Variants in MLYCD observed in about 807,000 individuals in gnomAD.
MLYCD encodes the protein malonyl-CoA decarboxylase, mitochondrial.
MLYCD carries 27 observed loss-of-function variants against 35.8 expected under a neutral mutation model. That is an observed-to-expected ratio of 0.75 (90% CI 0.56 to 1.04). MLYCD has a LOEUF of 1.04. Ranked by LOEUF, MLYCD falls within the 50% of genes least tolerant of loss-of-function variation. The pLI, the probability that MLYCD is intolerant of heterozygous loss-of-function variation, is 0.00. For missense variants in MLYCD, 917 were observed against 665.1 expected (o/e 1.38, Z -4.17); for synonymous variants, 403 against 302.4 (o/e 1.33, Z -3.45).
At chr16:83,904,958 G>A (rs1974881) in intron 1 of MLYCD, among the ~76,000 whole-genome samples, 13,589 of 152,096 alleles carry the variant, frequency 0.089, 806 homozygotes, top group East Asian at 0.23. Flanking sequence ...GGCCTCTTTC[G>A]TGCCCTAGTG....
chr16:83,905,248 G>A (rs1906934169), intron 1 of MLYCD, among the ~76,000 whole-genome samples: 1 of 151,930 alleles, frequency 6.6e-6, no homozygotes, highest in African/African-American at 2.4e-5. Context: ...AATTCTAGCT[G>A]TTGTAAAGCC....
chr16:83,905,880 C>T (rs1158626445), intron 1 of MLYCD, among the ~76,000 whole-genome samples: 5 of 152,150 alleles, frequency 3.3e-5, no homozygotes, highest in Non-Finnish European at 5.9e-5. Context: ...AGCACCGAGG[C>T]GACGCTGCTC....
chr16:83,899,392 A>G lies in MLYCD; in HGVS notation c.248A>G (p.Gln83Arg). Residue 83 changes from glutamine to arginine, a missense_variant, in exon 1 of 5, where the codon CAG becomes CGG. Gln to Arg is a conservative substitution (Grantham distance 43, BLOSUM62 1). Coordinates refer to ENST00000262430, the MANE Select transcript of MLYCD (RefSeq NM_012213.3). The part of the protein sequence containing the change: ...SFYGGLAETA[Q>R]RAELLGRLAR... ...TACGGTGGGCTGGCCGAGACGGCCC[A>G]GCGGGCCGAACTGCTGGGCCGCCTG... 3 of 1,528,234 alleles carry G rather than the reference A, an allele frequency of 2.0e-6. No homozygotes were observed. The highest frequency in any genetic ancestry group is 1.4e-5 in the African/African-American group (1 of 70,114). 94.7% of individuals were successfully genotyped at this position (1,528,234 alleles called of 1,614,324 possible).
At position 83,922,550 on chromosome 16, in the gene MLYCD, C is replaced by G. The variant is rs1156745941; in HGVS notation, c.*7061C>G. ...AGTTCAAATGCTGGCCCCACCACTTCCAGCTGGGTGGCCCAGGGCAAGCCA... is the reference window on the plus strand; with the variant it reads ...AGTTCAAATGCTGGCCCCACCACTTGCAGCTGGGTGGCCCAGGGCAAGCCA... On this transcript the variant is annotated 3_prime_UTR_variant, in exon 5 of 5. Coordinates refer to ENST00000262430, the MANE Select transcript of MLYCD (RefSeq NM_012213.3). The G allele has an allele frequency of 6.6e-6, 1 of 152,362 alleles. No individual in the cohort carries two copies. Among genetic ancestry groups the G allele is most frequent in the Non-Finnish European group, 1.5e-5 (1 of 68,128 alleles). 9.4% of individuals were successfully genotyped at this position (152,362 alleles called of 1,614,324 possible).
At position 83,920,901 on chromosome 16, in the gene MLYCD, GAT is replaced by G. The variant is rs1907630390; in HGVS notation, c.*5413_*5414del. The stretch of plus-strand genomic sequence containing the variant: ...TAGATGGATGGATGGAAGGAAGGAA[GAT>G]GGATGGATGGATGGATGGATGGATG... On this transcript the variant is annotated 3_prime_UTR_variant, in exon 5 of 5. Transcript: ENST00000262430. 3.1e-5 allele frequency: 1 copy of G among 32,446 alleles called. No individual in the cohort carries two copies. The highest frequency in any genetic ancestry group is 5.0e-4 in the East Asian group (1 of 2,014). The allele number at this position is 32,446 out of a possible 1,614,324, so 2.0% of individuals were successfully genotyped here.
rs1366274472 is a variant in MLYCD at position 83,919,050 on chromosome 16, A to G, written c.*3561A>G. On this transcript the variant is annotated 3_prime_UTR_variant, in exon 5 of 5. Coordinates refer to ENST00000262430, the MANE Select transcript of MLYCD (RefSeq NM_012213.3). ...AGGAGAACATACACGCAGTACACAG[A>G]CACAGTGCACCGGAGAACACAGTGC... 6.8e-6 allele frequency: 1 copy of G among 146,004 alleles called. No individual in the cohort carries two copies. Among genetic ancestry groups the G allele is most frequent in the Admixed American group, 6.8e-5 (1 of 14,784 alleles). 9.0% of individuals were successfully genotyped at this position (146,004 alleles called of 1,614,324 possible). A position where few individuals can be genotyped will look rare whatever the true frequency, so the allele number is the denominator to read the frequency against.
At chr16:83,909,306 A>C (rs775563552) in intron 3 of MLYCD, among the ~76,000 whole-genome samples, 1 of 152,138 alleles carries the variant, frequency 6.6e-6, no homozygotes, top group East Asian at 1.9e-4. Flanking sequence ...TGACAGTTCA[A>C]AAGGGTGGGG....
intron 1 of MLYCD, 114 bp downstream of exon 1, chr16:83,899,786 T>C: frequency 1.5e-6 from 2 of 1,292,422 alleles, no homozygotes; most frequent in South Asian, 1.6e-5. Flanking sequence ...GATAGCACGC[T>C]CACTTCGCCC....
rs1393278120 is a variant in MLYCD, at chr16:83,922,944, C to T, written c.*7455C>T. On this transcript the variant is annotated 3_prime_UTR_variant, in exon 5 of 5. Transcript: ENST00000262430. The stretch of plus-strand genomic sequence containing the variant: ...CAGGGGCTTGAGGGGACCTCCTGAC[C>T]CCTGATGGCTGAGCACCCTTGTCAT... The T allele has an allele frequency of 6.6e-6, 1 of 152,260 alleles. No individual in the cohort carries two copies. Among genetic ancestry groups the T allele is most frequent in the South Asian group, 2.1e-4 (1 of 4,824 alleles). 9.4% of individuals were successfully genotyped at this position (152,260 alleles called of 1,614,324 possible).
At chr16:83,910,841 TC>T (rs2151058190) in intron 3 of MLYCD, among the ~76,000 whole-genome samples, 1 of 152,252 alleles carries the variant, frequency 6.6e-6, no homozygotes, top group East Asian at 1.9e-4. Flanking sequence ...TCATGAGCTC[TC>T]CCCCTTTCCT....
In MLYCD at chr16:83,916,701, T is replaced by C. The variant is rs969801570; in HGVS notation, c.*1212T>C. On this transcript the variant is annotated 3_prime_UTR_variant, in exon 5 of 5. Transcript: ENST00000262430. ...ACGTCTGTGTGCGTGTGCACGAGCGTCTCTGTGTGTATCAGTGCACGTCTG... is the reference window on the plus strand; with the variant it reads ...ACGTCTGTGTGCGTGTGCACGAGCGCCTCTGTGTGTATCAGTGCACGTCTG... The C allele has an allele frequency of 4.3e-5, 6 of 139,902 alleles. No homozygotes were observed. Among genetic ancestry groups the C allele is most frequent in the African/African-American group, 1.6e-4 (6 of 36,444 alleles). 8.7% of individuals were successfully genotyped at this position (139,902 alleles called of 1,614,324 possible).
intron 3 of MLYCD, among the ~76,000 whole-genome samples, chr16:83,910,935 G>A (rs922761196): frequency 1.8e-4 from 27 of 152,174 alleles, no homozygotes; most frequent in African/African-American, 5.8e-4. Context: ...GTTTTCCTCA[G>A]GGCAGATATG....
Position 83,912,305 on chromosome 16 carries a change from C to G in MLYCD, c.886C>G (p.Gln296Glu). The stretch of plus-strand genomic sequence containing the variant: ...CTTTTATTCCATCAGCTTGACCCAG[C>G]AGGGACTCCAAGGGGTGGAGCTGGG... ...AIFYSISLTQQGLQGVELGTF... is the reference protein window; with the variant it reads ...AIFYSISLTQEGLQGVELGTF... The change falls in exon 4 of 5, where the codon CAG becomes GAG. Residue 296 changes from glutamine to glutamate, a missense_variant. Transcript: ENST00000262430. 6.2e-7 allele frequency: 1 copy of G among 1,614,212 alleles called. No individual in the cohort carries two copies. The highest frequency in any genetic ancestry group is 8.5e-7 in the Non-Finnish European group (1 of 1,180,042).
chr16:83,899,442 G>A lies in MLYCD; in HGVS notation c.298G>A (p.Gly100Ser). Residue 100 changes from glycine to serine, a missense_variant, in exon 1 of 5, where the codon GGC (glycine) becomes AGC (serine). Physicochemically the swap from Gly to Ser is moderately conservative, Grantham distance 56. Transcript: ENST00000262430. ...RLARGFGVDH[G>S]QVAEQSAGVL... ...GGCGCGGGGCTTCGGCGTGGACCAC[G>A]GCCAGGTGGCGGAGCAGAGCGCCGG... is the stretch of plus-strand genomic sequence containing the variant. The A allele has an allele frequency of 1.3e-6, 2 of 1,519,534 alleles. No homozygotes were observed. Among genetic ancestry groups the A allele is most frequent in the South Asian group, 1.2e-5 (1 of 82,530 alleles). 94.1% of individuals were successfully genotyped at this position (1,519,534 alleles called of 1,614,324 possible). A position where few individuals can be genotyped will look rare whatever the true frequency, so the allele number is the denominator to read the frequency against.
At chr16:83,904,672 AG>A (rs1906913407) in intron 1 of MLYCD, among the ~76,000 whole-genome samples, 1 of 152,238 alleles carries the variant, frequency 6.6e-6, no homozygotes. Context: ...CATGGAATGT[AG>A]AGTTAAAAGG....
Position 83,899,243 on chromosome 16 carries a change from C to T in MLYCD, c.99C>T (p.Ala33=), listed in dbSNP as rs1286937386. Reference sequence around the variant, plus strand: ...CCCGGCTGGCGAGCGGGCAGGCGGCCGGCGCCCTGGAGCGGGCCATGGACG... The same window carrying T: ...CCCGGCTGGCGAGCGGGCAGGCGGCTGGCGCCCTGGAGCGGGCCATGGACG... ...PGPRLASGQA[A]GALERAMDEL... Residue 33 remains alanine, a synonymous_variant, in exon 1 of 5, where the codon GCC becomes GCT. Coordinates refer to ENST00000262430, the MANE Select transcript of MLYCD (RefSeq NM_012213.3). 4 of 1,269,012 alleles carry T rather than the reference C, an allele frequency of 3.2e-6. No individual in the cohort carries two copies. The highest frequency in any genetic ancestry group is 3.1e-5 in the African/African-American group (2 of 63,922). The allele number at this position is 1,269,012 out of a possible 1,614,324, so 78.6% of individuals were successfully genotyped here. A position where few individuals can be genotyped will look rare whatever the true frequency, so the allele number is the denominator to read the frequency against.
rs549809291 is a variant in MLYCD, at chr16:83,919,423, C to G, written c.*3934C>G. On this transcript the variant is annotated 3_prime_UTR_variant, in exon 5 of 5. Transcript: ENST00000262430. ...CACACTGCACAGAACAAATGCACAG[C>G]ACACAGGAGAACATGCACACACAGT... 1 of 144,914 alleles carries G rather than the reference C, an allele frequency of 6.9e-6. No individual in the cohort carries two copies. The highest frequency in any genetic ancestry group is 2.2e-4 in the South Asian group (1 of 4,484). 9.0% of individuals were successfully genotyped at this position (144,914 alleles called of 1,614,324 possible). A position where few individuals can be genotyped will look rare whatever the true frequency, so the allele number is the denominator to read the frequency against.
chr16:83,911,665 A>C (rs1269205486), intron 3 of MLYCD: 6 of 156,842 alleles, frequency 3.8e-5, no homozygotes, highest in African/African-American at 1.4e-4. Flanking sequence ...CAGAAATGGC[A>C]CAAAACCCAA....
chr16:83,914,436 G>T (rs556081741), intron 4 of MLYCD: 39 of 199,280 alleles, frequency 2.0e-4, no homozygotes, highest in Non-Finnish European at 3.3e-4. Context: ...GGAAAGACAA[G>T]GCCTGCAGTG....
Sources: gnomAD v4.1 joint callset for allele counts (sites outside exome capture counted in the v4.1 genomes callset) on GRCh38, gnomAD v4.1.1 for gene constraint, MANE v1.5 for transcripts, NCBI Gene and HGNC (gene_info 2026-07-23, HGNC 2026-07-21) for gene names.